Variants in ZNF804A observed in about 807,000 individuals in gnomAD.
ZNF804A encodes zinc finger protein 804A.
In ZNF804A, 2 loss-of-function variants were observed where a neutral mutation model predicts 16.5. The ratio of observed to expected loss-of-function variants is 0.12; its 90% confidence interval spans 0.05 to 0.38. ZNF804A has a LOEUF of 0.38. ZNF804A is among the 10% of genes least tolerant of loss of function. The probability of loss-of-function intolerance (pLI) is 0.99; values close to 1 mark genes in which losing one functional copy is unlikely to be tolerated. For synonymous variants in ZNF804A, 534 were observed against 489.6 expected (o/e 1.09, Z -1.20); for missense variants, 1,473 against 1,390.7 (o/e 1.06, Z -0.94).
intron 1 of ZNF804A, among the ~76,000 whole-genome samples, chr2:184,614,864 A>G (rs1691295677): frequency 6.6e-6 from 1 of 152,192 alleles, no homozygotes; most frequent in East Asian, 1.9e-4. Flanking sequence ...TAGAATGGCA[A>G]TCATTAAAAA....
At chr2:184,772,852 A>G (rs147445648) in intron 1 of ZNF804A, among the ~76,000 whole-genome samples, 1 of 150,564 alleles carries the variant, frequency 6.6e-6, no homozygotes, top group Non-Finnish European at 1.5e-5. Context: ...GTGACATGGT[A>G]TTTCACTGTA....
intron 1 of ZNF804A, among the ~76,000 whole-genome samples, chr2:184,842,269 C>T (rs1695449336): frequency 6.6e-6 from 1 of 152,130 alleles, no homozygotes. Context: ...ACCACAGGGG[C>T]AGAGCCTGCT....
intron 1 of ZNF804A, among the ~76,000 whole-genome samples, chr2:184,659,672 T>C (rs1301614569): frequency 6.6e-6 from 1 of 152,176 alleles, no homozygotes; most frequent in East Asian, 1.9e-4. Flanking sequence ...AACTCAGGCA[T>C]GGCTGACCCC....
intron 1 of ZNF804A, among the ~76,000 whole-genome samples, chr2:184,784,150 G>C (rs1021078573): frequency 1.3e-5 from 2 of 151,820 alleles, no homozygotes; most frequent in African/African-American, 4.8e-5. Context: ...TCATGTTTTA[G>C]GTGGGGCTCA....
chr2:184,612,596 G>A (rs1189524470), intron 1 of ZNF804A, among the ~76,000 whole-genome samples: 9 of 151,910 alleles, frequency 5.9e-5, no homozygotes. Flanking sequence ...CACCAAGTCT[G>A]GCTAATTTTT....
intron 1 of ZNF804A, among the ~76,000 whole-genome samples, chr2:184,635,791 A>G (rs1292440460): frequency 6.6e-6 from 1 of 152,186 alleles, no homozygotes; most frequent in South Asian, 2.1e-4. Flanking sequence ...AAAAGACAGC[A>G]AGAGCTATAG....
intron 2 of ZNF804A, among the ~76,000 whole-genome samples, chr2:184,933,033 A>T (rs1201455633): frequency 6.6e-6 from 1 of 152,120 alleles, no homozygotes; most frequent in Non-Finnish European, 1.5e-5. Flanking sequence ...CTTATGGATT[A>T]ACATAAATAA....
intron 1 of ZNF804A, among the ~76,000 whole-genome samples, chr2:184,756,141 C>T (rs1041455700): frequency 5.3e-5 from 8 of 151,896 alleles, no homozygotes; most frequent in African/African-American, 1.9e-4. Context: ...TCATTTCTTA[C>T]TCAACCTTCT....
Position 184,622,217 on chromosome 2 carries a change from A to C in ZNF804A, c.111+23147A>C, listed in dbSNP as rs1039934264. ...AACTGTAGATCAGGAAATAAGTATGATATTAATAACTGTAATCCATTTTTC... is the reference window on the plus strand; with the variant it reads ...AACTGTAGATCAGGAAATAAGTATGCTATTAATAACTGTAATCCATTTTTC... On this transcript the variant is annotated intron_variant, in intron 1 of 3. Transcript: ENST00000302277. 2.6e-5 allele frequency among the ~76,000 whole-genome samples: 4 copies of C among 151,934 alleles called. No individual in the cohort carries two copies. In the East Asian group the frequency reaches 5.8e-4, roughly 22 times the overall value.
intron 1 of ZNF804A, among the ~76,000 whole-genome samples, chr2:184,670,895 T>C (rs1303387455): frequency 6.6e-6 from 1 of 152,156 alleles, no homozygotes; most frequent in Non-Finnish European, 1.5e-5. Flanking sequence ...TTCCCAGCTG[T>C]CTTCCTCTTT....
intron 1 of ZNF804A, among the ~76,000 whole-genome samples, chr2:184,759,205 T>C (rs185785340): frequency 6.6e-6 from 1 of 151,012 alleles, no homozygotes; most frequent in Non-Finnish European, 1.5e-5. Context: ...TTAAGAAAAA[T>C]ATTCATTATT....
chr2:184,815,293 T>C (rs1259412532), intron 1 of ZNF804A, among the ~76,000 whole-genome samples: 2 of 151,966 alleles, frequency 1.3e-5, no homozygotes. Context: ...GGTTTTGCAA[T>C]CTAATATTTT....
At chr2:184,621,962 T>C (rs1691427867) in intron 1 of ZNF804A, among the ~76,000 whole-genome samples, 1 of 151,828 alleles carries the variant, frequency 6.6e-6, no homozygotes, top group South Asian at 2.1e-4. Context: ...AGTTTGGTTT[T>C]TGATGTGAAA....
At chr2:184,888,193 G>A (rs1684926423) in intron 2 of ZNF804A, among the ~76,000 whole-genome samples, 1 of 151,750 alleles carries the variant, frequency 6.6e-6, no homozygotes, top group Non-Finnish European at 1.5e-5. Context: ...TTTACTTTGG[G>A]ACATACTTAA....
intron 1 of ZNF804A, among the ~76,000 whole-genome samples, chr2:184,744,416 C>T (rs534896575): frequency 3.3e-5 from 5 of 151,864 alleles, no homozygotes; most frequent in South Asian, 2.1e-4. Context: ...AGTGATTAGA[C>T]CATGAGGGTG....
intron 2 of ZNF804A, among the ~76,000 whole-genome samples, chr2:184,919,869 A>C (rs1173278801): frequency 6.6e-6 from 1 of 152,182 alleles, no homozygotes; most frequent in Non-Finnish European, 1.5e-5. Context: ...TAATCCCAGC[A>C]CTTCGGGAGG....
intron 1 of ZNF804A, among the ~76,000 whole-genome samples, chr2:184,778,193 C>G (rs1457658609): frequency 1.3e-5 from 2 of 151,436 alleles, no homozygotes; most frequent in African/African-American, 2.4e-5. Context: ...TTTTGACATG[C>G]ACAAATTTGT....
At chr2:184,820,347 G>T (rs1224986055) in intron 1 of ZNF804A, among the ~76,000 whole-genome samples, 1 of 152,074 alleles carries the variant, frequency 6.6e-6, no homozygotes, top group East Asian at 1.9e-4. Flanking sequence ...TGCAGGAAAT[G>T]CCTTTGATAA....
At chr2:184,690,689 T>C (rs1692712360) in intron 1 of ZNF804A, among the ~76,000 whole-genome samples, 1 of 152,026 alleles carries the variant, frequency 6.6e-6, no homozygotes, top group Non-Finnish European at 1.5e-5. Context: ...ACAATTGAAG[T>C]AGTCCCTTTG....
Sources: allele counts gnomAD v4.1 joint callset (sites outside exome capture counted in the v4.1 genomes callset), GRCh38; gene constraint gnomAD v4.1.1; transcripts MANE v1.5; gene names NCBI Gene and HGNC (gene_info 2026-07-23, HGNC 2026-07-21).